The following CCDC178 variants were observed in gnomAD, a reference collection of about 807,000 sequenced individuals.
The protein encoded by CCDC178 is coiled-coil domain-containing protein 178.
Under a neutral mutation model 117.4 loss-of-function variants are expected in CCDC178, and 126 were observed. That is an observed-to-expected ratio of 1.07 (90% CI 0.93 to 1.24). The LOEUF (loss-of-function observed/expected upper bound fraction) is 1.24, where lower values mean the gene tolerates loss of function less well. Among genes scored for constraint, CCDC178 ranks in the 50% most tolerant of loss-of-function variants. CCDC178 has a pLI of 0.00. For missense variants in CCDC178, 1,030 were observed against 986.9 expected, an observed-to-expected ratio of 1.04 and a Z score of -0.59; for synonymous variants, 283 against 313.4, an observed-to-expected ratio of 0.90 and a Z score of 1.02.
rs1043885042 is a variant in CCDC178 at position 32,938,979 on chromosome 18, C to T, written c.2524-888G>A. ...ATAACTGAGCCATAATACATATAAG[C>T]GGTTTTTTGGGTAATTATCATACGT... On this transcript the variant is annotated intron_variant, in intron 22 of 22. Transcript: ENST00000383096. Among the ~76,000 whole-genome samples, 7 of 151,972 alleles carry T rather than the reference C, an allele frequency of 4.6e-5. No homozygotes were observed. In the East Asian group the frequency reaches 5.8e-4, roughly 13 times the overall value.
chr18:32,996,400 A>C (rs752506253), intron 21 of CCDC178, among the ~76,000 whole-genome samples: 30 of 151,962 alleles, frequency 2.0e-4, no homozygotes, highest in Admixed American at 3.3e-4. Context: ...CCTTAATATC[A>C]TTGAGTTAGG....
At chr18:33,100,862 T>C (rs752886555) in intron 20 of CCDC178, among the ~76,000 whole-genome samples, 5 of 152,024 alleles carry the variant, frequency 3.3e-5, no homozygotes, top group Non-Finnish European at 7.4e-5. Flanking sequence ...AAATCATTTA[T>C]GTCCCTTCAA....
intron 20 of CCDC178, among the ~76,000 whole-genome samples, chr18:33,171,705 G>A (rs2058601792): frequency 6.6e-6 from 1 of 152,218 alleles, no homozygotes. Flanking sequence ...TGGAGCAAAT[G>A]TGTAGAGGAA....
chr18:33,317,784 C>T (rs2062440674), intron 11 of CCDC178, among the ~76,000 whole-genome samples: 1 of 152,048 alleles, frequency 6.6e-6, no homozygotes, highest in Non-Finnish European at 1.5e-5. Context: ...GAATTTCTAC[C>T]CTGCCTTAAC....
In CCDC178 at chr18:32,996,284, T is replaced by A. The variant is rs557692334; in HGVS notation, c.2389-21603A>T. 2.0e-5 allele frequency among the ~76,000 whole-genome samples: 3 copies of A among 152,036 alleles called. No individual in the cohort carries two copies. The East Asian group carries it at 5.8e-4, about 29-fold the overall frequency. On this transcript the variant is annotated intron_variant, in intron 21 of 22. Coordinates refer to ENST00000383096, the MANE Select transcript of CCDC178 (RefSeq NM_001105528.4). Reference sequence around the variant, plus strand: ...ACTGAAATATGTATAAAGTCCCCAGTGTAATCTTCTCAACAAACCTGATTT... The same window carrying A: ...ACTGAAATATGTATAAAGTCCCCAGAGTAATCTTCTCAACAAACCTGATTT...
At chr18:33,126,314 T>C (rs2058003365) in intron 20 of CCDC178, among the ~76,000 whole-genome samples, 1 of 149,954 alleles carries the variant, frequency 6.7e-6, no homozygotes, top group Non-Finnish European at 1.5e-5. Context: ...GTTTAGTATG[T>C]ATATAATATT....
intron 4 of CCDC178, among the ~76,000 whole-genome samples, chr18:33,394,992 T>C (rs1290444671): frequency 7.4e-6 from 1 of 135,180 alleles, no homozygotes; most frequent in African/African-American, 2.7e-5. Flanking sequence ...TATATATGTA[T>C]ACATATATGA....
chr18:33,380,375 C>T (rs1251966088), intron 5 of CCDC178, among the ~76,000 whole-genome samples: 1 of 152,202 alleles, frequency 6.6e-6, no homozygotes, highest in East Asian at 1.9e-4. Flanking sequence ...TGTGCAGACA[C>T]GTTGCTGGGT....
intron 14 of CCDC178, among the ~76,000 whole-genome samples, chr18:33,265,153 G>T (rs540534706): frequency 2.0e-5 from 3 of 152,172 alleles, no homozygotes; most frequent in African/African-American, 7.2e-5. Context: ...TTTACAAATT[G>T]TTCCATTTCA....
intron 21 of CCDC178, among the ~76,000 whole-genome samples, chr18:33,028,998 T>C (rs1436059917): frequency 6.6e-6 from 1 of 151,878 alleles, no homozygotes; most frequent in Non-Finnish European, 1.5e-5. Context: ...GTAATTTTTT[T>C]CTTGTTTCAG....
At chr18:33,195,547 T>C (rs1309932848) in intron 20 of CCDC178, among the ~76,000 whole-genome samples, 2 of 152,174 alleles carry the variant, frequency 1.3e-5, no homozygotes, top group East Asian at 3.9e-4. Flanking sequence ...CTTTTCCTCC[T>C]GTGTTTTGTA....
intron 6 of CCDC178, among the ~76,000 whole-genome samples, chr18:33,364,033 C>G (rs1424682231): frequency 6.6e-6 from 1 of 152,060 alleles, no homozygotes; most frequent in Non-Finnish European, 1.5e-5. Context: ...AAGCACTTGT[C>G]TGTTGAGATT....
At chr18:32,962,243 A>G (rs1304460867) in intron 22 of CCDC178, among the ~76,000 whole-genome samples, 1 of 152,090 alleles carries the variant, frequency 6.6e-6, no homozygotes, top group East Asian at 1.9e-4. Context: ...TAAATCTTAT[A>G]CTACAATGTT....
At chr18:33,333,500 TTAC>T in intron 9 of CCDC178, 106 bp from the exon 10 acceptor site, 2 of 469,974 alleles carry the variant, frequency 4.3e-6, no homozygotes, top group Non-Finnish European at 7.1e-6. Context: ...TTTGTGAATC[TTAC>T]TACTTTTTTT....
intron 21 of CCDC178, among the ~76,000 whole-genome samples, chr18:33,067,968 T>C (rs989900351): frequency 6.6e-6 from 1 of 151,832 alleles, no homozygotes; most frequent in African/African-American, 2.4e-5. Flanking sequence ...CTCAAATTAA[T>C]AACATCAGAA....
At chr18:33,192,987 C>T (rs1282880998) in intron 20 of CCDC178, among the ~76,000 whole-genome samples, 4 of 150,890 alleles carry the variant, frequency 2.7e-5, no homozygotes, top group Non-Finnish European at 4.4e-5. Flanking sequence ...AGGCTGGGCG[C>T]GGTGGCTCAC....
At chr18:33,340,990 A>C (rs2062810220) in intron 9 of CCDC178, among the ~76,000 whole-genome samples, 1 of 152,134 alleles carries the variant, frequency 6.6e-6, no homozygotes, top group Admixed American at 6.6e-5. Context: ...TGGTAGATCC[A>C]CCCACAGCTT....
intron 20 of CCDC178, among the ~76,000 whole-genome samples, chr18:33,146,854 T>G (rs2058273999): frequency 6.6e-6 from 1 of 152,172 alleles, no homozygotes; most frequent in Non-Finnish European, 1.5e-5. Context: ...AACTGACCAG[T>G]AACAACAGAT....
At chr18:33,348,525 C>T (rs573586325) in intron 8 of CCDC178, among the ~76,000 whole-genome samples, 1 of 152,038 alleles carries the variant, frequency 6.6e-6, no homozygotes, top group East Asian at 1.9e-4. Flanking sequence ...TTACTAGCCA[C>T]ATTTCAAAGG....
Sources: allele counts gnomAD v4.1 joint callset (sites outside exome capture counted in the v4.1 genomes callset), GRCh38; gene constraint gnomAD v4.1.1; transcripts MANE v1.5; gene names NCBI Gene and HGNC (gene_info 2026-07-23, HGNC 2026-07-21).